HDAC4: variants seen among roughly 807,000 people sequenced by gnomAD.
The protein encoded by HDAC4 is histone deacetylase A.
In HDAC4, 16 loss-of-function variants were observed where a neutral mutation model predicts 135.1. The observed-to-expected ratio is 0.12, with a 90% confidence interval of 0.08 to 0.18. The LOEUF (loss-of-function observed/expected upper bound fraction) is 0.18. HDAC4 is among the 10% of genes least tolerant of loss of function. The probability of loss-of-function intolerance (pLI) is 1.00; values close to 1 mark genes in which losing one functional copy is unlikely to be tolerated. For missense variants in HDAC4, 1,143 were observed against 1,511.8 expected (o/e 0.76, Z 4.05); for synonymous variants, 685 against 653.4 (o/e 1.05, Z -0.74).
chr2:239,102,259 C>G (rs2037738048), intron 16 of HDAC4, among the ~76,000 whole-genome samples: 1 of 152,198 alleles, frequency 6.6e-6, no homozygotes, highest in African/African-American at 2.4e-5. Flanking sequence ...CTGTGGAAAG[C>G]CTCTCACCAG....
At chr2:239,235,684 CA>C (rs1159212576) in intron 3 of HDAC4, among the ~76,000 whole-genome samples, 1 of 152,220 alleles carries the variant, frequency 6.6e-6, no homozygotes, top group African/African-American at 2.4e-5. Flanking sequence ...ACGGGTTTTA[CA>C]GACAAAGAAA....
intron 1 of HDAC4, among the ~76,000 whole-genome samples, chr2:239,361,548 G>A (rs977027640): frequency 5.3e-5 from 8 of 152,180 alleles, no homozygotes; most frequent in Non-Finnish European, 7.3e-5. Context: ...AAGATCACAG[G>A]CAGAGAAGAG....
At chr2:239,092,512 G>T (rs1026663861) in intron 17 of HDAC4, among the ~76,000 whole-genome samples, 15 of 152,220 alleles carry the variant, frequency 9.9e-5, no homozygotes, top group South Asian at 4.1e-4. Context: ...CTGCACACCT[G>T]GGGTGCCAAG....
At chr2:239,073,056 G>A (rs1402684138) in intron 22 of HDAC4, among the ~76,000 whole-genome samples, 1 of 152,184 alleles carries the variant, frequency 6.6e-6, no homozygotes, top group Non-Finnish European at 1.5e-5. Flanking sequence ...GTGATGCGTG[G>A]GACTGTGTGG....
At chr2:239,084,064 A>C in intron 20 of HDAC4, 91 bp downstream of exon 20, 1 of 892,436 alleles carries the variant, frequency 1.1e-6, no homozygotes. Flanking sequence ...CCCACATCCA[A>C]GAGCCCAGCT....
intron 5 of HDAC4, among the ~76,000 whole-genome samples, chr2:239,172,509 G>C (rs1416232351): frequency 6.6e-6 from 1 of 151,952 alleles, no homozygotes; most frequent in Non-Finnish European, 1.5e-5. Context: ...AGATAAAGTT[G>C]CATTTAGAGG....
chr2:239,371,412 C>T (rs1366101536), intron 1 of HDAC4, among the ~76,000 whole-genome samples: 1 of 152,070 alleles, frequency 6.6e-6, no homozygotes, highest in African/African-American at 2.4e-5. Flanking sequence ...CACAAGCATG[C>T]ACTTACACAA....
At chr2:239,172,758 G>A (rs920911563) in intron 5 of HDAC4, among the ~76,000 whole-genome samples, 1 of 151,792 alleles carries the variant, frequency 6.6e-6, no homozygotes, top group Non-Finnish European at 1.5e-5. Context: ...AAAAACAAAA[G>A]CAAAACAAAA....
rs1693720299 is a variant in HDAC4, at chr2:239,359,407, C to CAGA, written c.-219-6492_-219-6490dup. On this transcript the variant is annotated intron_variant, in intron 1 of 26. Coordinates refer to ENST00000543185, the MANE Select transcript of HDAC4 (RefSeq NM_001378414.1). ...GGAAACATGTTTCACATGATGTGGC[C>CAGA]AGAATCCGGCTGTGTCATGAACAAG... is the stretch of plus-strand genomic sequence containing the variant. 2.6e-5 allele frequency among the ~76,000 whole-genome samples: 4 copies of CAGA among 152,336 alleles called. No homozygotes were observed. In the South Asian group the frequency reaches 8.3e-4, roughly 32 times the overall value.
At position 239,245,253 on chromosome 2, in the gene HDAC4, G is replaced by A. The variant is rs941772969; in HGVS notation, c.23-8589C>T. Among the ~76,000 whole-genome samples the A allele has an allele frequency of 5.9e-5, 9 of 152,120 alleles. No individual in the cohort carries two copies. Among genetic ancestry groups the A allele is most frequent in the African/African-American group, 1.7e-4 (7 of 41,422 alleles). On this transcript the variant is annotated intron_variant, in intron 2 of 26. Transcript: ENST00000543185. The surrounding 1 kb of genome is among the most constrained non-coding windows in gnomAD (Gnocchi z 4.4). ...GTAGCTGCCGGCTTACAGGAAGTAC[G>A]GGTTTGGCAGAACCTGCTAAAGGAC... is the stretch of plus-strand genomic sequence containing the variant.
At chr2:239,057,382 A>G (rs926405189) in intron 24 of HDAC4, among the ~76,000 whole-genome samples, 19 of 152,258 alleles carry the variant, frequency 1.2e-4, no homozygotes, top group African/African-American at 3.9e-4. Context: ...TGAAACAACC[A>G]GAGATTTATG....
At chr2:239,267,124 G>A (rs956788584) in intron 2 of HDAC4, among the ~76,000 whole-genome samples, 1 of 152,210 alleles carries the variant, frequency 6.6e-6, no homozygotes, top group African/African-American at 2.4e-5. Flanking sequence ...TAGCACTCCT[G>A]TGGCACTGGA....
chr2:239,097,678 C>T (rs2037233417), intron 16 of HDAC4, among the ~76,000 whole-genome samples: 1 of 152,360 alleles, frequency 6.6e-6, no homozygotes, highest in Non-Finnish European at 1.5e-5. Context: ...ATGTGGTGGG[C>T]AAGAGAGCTA....
At chr2:239,103,356 T>A (rs1575036700) in intron 15 of HDAC4, among the ~76,000 whole-genome samples, 2 of 152,134 alleles carry the variant, frequency 1.3e-5, no homozygotes, top group African/African-American at 2.4e-5. Context: ...GCTGCCAGGG[T>A]CTGGCATCTG....
intron 2 of HDAC4, among the ~76,000 whole-genome samples, chr2:239,293,866 C>T (rs531652226): frequency 5.9e-5 from 9 of 152,242 alleles, no homozygotes; most frequent in Non-Finnish European, 1.2e-4. Flanking sequence ...AGCCTCCTTC[C>T]TCCTTACAAA....
At chr2:239,162,198 C>T (rs1431167809) in intron 6 of HDAC4, 1 of 456,616 alleles carries the variant, frequency 2.2e-6, no homozygotes, top group Non-Finnish European at 4.4e-6. Flanking sequence ...GAAAGGGCTG[C>T]CCGTGCTTGC....
intron 5 of HDAC4, among the ~76,000 whole-genome samples, chr2:239,170,822 G>C (rs1042975642): frequency 3.9e-5 from 6 of 152,130 alleles, no homozygotes; most frequent in African/African-American, 1.4e-4. Flanking sequence ...TCAACAGTGG[G>C]TTTCGGAAGA....
At chr2:239,122,421 C>A (rs1475397610) in intron 12 of HDAC4, among the ~76,000 whole-genome samples, 2 of 152,220 alleles carry the variant, frequency 1.3e-5, no homozygotes, top group East Asian at 3.8e-4. Flanking sequence ...ACGTGGCCAG[C>A]GAACACGGAG....
intron 24 of HDAC4, among the ~76,000 whole-genome samples, chr2:239,062,892 G>A (rs2032962902): frequency 6.6e-6 from 1 of 152,198 alleles, no homozygotes; most frequent in African/African-American, 2.4e-5. Flanking sequence ...GGTACCTGCA[G>A]CCACTGCCCA....
Sources: allele counts gnomAD v4.1 joint callset (sites outside exome capture counted in the v4.1 genomes callset), GRCh38; gene constraint gnomAD v4.1.1; non-coding constraint Gnocchi (gnomAD v3.1); transcripts MANE v1.5; gene names NCBI Gene and HGNC (gene_info 2026-07-23, HGNC 2026-07-21).